GABRB1: variants seen among roughly 807,000 people sequenced by gnomAD.
The protein encoded by GABRB1 is gamma-aminobutyric acid type A receptor subunit beta1.
GABRB1 carries 17 observed loss-of-function variants against 51.6 expected under a neutral mutation model. That is an observed-to-expected ratio of 0.33 (90% confidence interval 0.23 to 0.49). GABRB1 has a LOEUF of 0.49. GABRB1 is among the 20% of genes least tolerant of loss of function. The pLI is 0.99. For missense variants in GABRB1, 410 were observed against 600.6 expected (o/e 0.68, Z 3.32); for synonymous variants, 247 against 218.9 (o/e 1.13, Z -1.14).
chr4:47,250,552 A>G (rs536058101), intron 4 of GABRB1, among the ~76,000 whole-genome samples: 30 of 152,250 alleles, frequency 2.0e-4, no homozygotes, highest in African/African-American at 7.0e-4. Context: ...ATATTTTCCA[A>G]GATTTTAGAA....
Position 47,425,831 on chromosome 4 carries a change from C to A in GABRB1, c.1238C>A (p.Ala413Asp). The change falls in exon 9 of 9, where the codon GCC becomes GAC. Residue 413 changes from alanine to aspartate, a missense_variant. By Grantham distance (126) the Ala-to-Asp change is moderately radical (BLOSUM62 -2). This residue lies in a region of GABRB1 where 181 missense variants were observed against 195.6 expected (regional missense o/e 0.93). Coordinates refer to ENST00000295454, the MANE Select transcript of GABRB1 (RefSeq NM_000812.4). ...CGCAAGCCCCTGAGCAGCCGCGAGGCCTACGGGCGCGCCCTGGACCGGCAC... is the reference window on the plus strand; with the variant it reads ...CGCAAGCCCCTGAGCAGCCGCGAGGACTACGGGCGCGCCCTGGACCGGCAC... ...QYRKPLSSREAYGRALDRHGV... is the reference protein window; with the variant it reads ...QYRKPLSSREDYGRALDRHGV... The A allele has an allele frequency of 6.2e-7, 1 of 1,614,054 alleles. No individual in the cohort carries two copies.
chr4:47,170,633 G>A (rs934012011), intron 4 of GABRB1, among the ~76,000 whole-genome samples: 4 of 152,096 alleles, frequency 2.6e-5, no homozygotes, highest in South Asian at 2.1e-4. Flanking sequence ...AATACTGTGC[G>A]GTTGATTGCA....
At chr4:47,242,409 G>T (rs1023376923) in intron 4 of GABRB1, among the ~76,000 whole-genome samples, 1 of 152,186 alleles carries the variant, frequency 6.6e-6, no homozygotes, top group African/African-American at 2.4e-5. Context: ...CCCAGTAATG[G>T]GATGGCTGGG....
chr4:47,210,983 C>T (rs548534938), intron 4 of GABRB1, among the ~76,000 whole-genome samples: 20 of 152,270 alleles, frequency 1.3e-4, no homozygotes, highest in African/African-American at 4.6e-4. Context: ...CAGAGACATG[C>T]AGCAAAGAGC....
At chr4:47,078,480 T>C (rs1368344514) in intron 3 of GABRB1, among the ~76,000 whole-genome samples, 2 of 152,170 alleles carry the variant, frequency 1.3e-5, no homozygotes, top group African/African-American at 4.8e-5. Flanking sequence ...TTAATTTAAA[T>C]TATTTCTAAA....
rs1342613596 is a variant in GABRB1 at position 47,158,628 on chromosome 4, T to C, written c.241-2621T>C. ...CCATTGTTGACAATGCTGACTGCCA[T>C]AGCAAAATTTACACTATGACTGTGG... is the stretch of plus-strand genomic sequence containing the variant. On this transcript the variant is annotated intron_variant, in intron 3 of 8. Coordinates refer to ENST00000295454, the MANE Select transcript of GABRB1 (RefSeq NM_000812.4). 1.3e-5 allele frequency among the ~76,000 whole-genome samples: 2 copies of C among 152,100 alleles called. 1 individual carries two copies. Among genetic ancestry groups the C allele is most frequent in the Admixed American group, 1.3e-4 (2 of 15,254 alleles).
At chr4:47,263,249 A>C (rs1456666608) in intron 4 of GABRB1, among the ~76,000 whole-genome samples, 1 of 152,026 alleles carries the variant, frequency 6.6e-6, no homozygotes, top group Non-Finnish European at 1.5e-5. Flanking sequence ...AACATTAACA[A>C]GAATTAAAAT....
At chr4:47,224,761 A>G (rs1720891110) in intron 4 of GABRB1, among the ~76,000 whole-genome samples, 1 of 152,144 alleles carries the variant, frequency 6.6e-6, no homozygotes, top group South Asian at 2.1e-4. Context: ...TTGCCAATAT[A>G]TAAGCCCCCA....
At chr4:47,216,361 T>C (rs150421920) in intron 4 of GABRB1, among the ~76,000 whole-genome samples, 1 of 151,912 alleles carries the variant, frequency 6.6e-6, no homozygotes, top group East Asian at 1.9e-4. Flanking sequence ...ATTAGGAAAA[T>C]AGTCATGGTG....
chr4:47,289,973 A>G (rs1428217481), intron 4 of GABRB1, among the ~76,000 whole-genome samples: 1 of 152,242 alleles, frequency 6.6e-6, no homozygotes, highest in East Asian at 1.9e-4. Flanking sequence ...GAGGTACAGG[A>G]TCTGCAAAAG....
At chr4:47,328,115 C>T (rs963044783) in intron 5 of GABRB1, among the ~76,000 whole-genome samples, 20 of 152,130 alleles carry the variant, frequency 1.3e-4, no homozygotes, top group East Asian at 1.9e-4. Flanking sequence ...TCTTCTTTTG[C>T]GAAGTGTCTG....
intron 1 of GABRB1, among the ~76,000 whole-genome samples, chr4:47,009,790 C>A (rs1322242044): frequency 6.6e-6 from 1 of 152,164 alleles, no homozygotes; most frequent in African/African-American, 2.4e-5. Flanking sequence ...ATGTATTGAC[C>A]ACTGAGTGAT....
chr4:47,147,192 T>C (rs1408539414), intron 3 of GABRB1, among the ~76,000 whole-genome samples: 3 of 152,102 alleles, frequency 2.0e-5, no homozygotes, highest in Non-Finnish European at 4.4e-5. Flanking sequence ...ACATCCAATA[T>C]TTCATTCCTT....
At chr4:47,281,260 A>G (rs1723285136) in intron 4 of GABRB1, among the ~76,000 whole-genome samples, 1 of 152,232 alleles carries the variant, frequency 6.6e-6, no homozygotes. Flanking sequence ...TTCTCAAAAG[A>G]AGAGATTCAA....
At chr4:47,241,171 G>A (rs1460239124) in intron 4 of GABRB1, among the ~76,000 whole-genome samples, 1 of 152,100 alleles carries the variant, frequency 6.6e-6, no homozygotes, top group Non-Finnish European at 1.5e-5. Context: ...AATAAAACCT[G>A]AAAATCTGTC....
intron 4 of GABRB1, among the ~76,000 whole-genome samples, chr4:47,230,271 A>G (rs4695203): frequency 0.36 from 53,922 of 151,652 alleles, 9,932 homozygotes; most frequent in African/African-American, 0.42. Context: ...GTCTTGACAT[A>G]AGAAGCACTC....
At chr4:47,379,097 C>G (rs960960112) in intron 5 of GABRB1, among the ~76,000 whole-genome samples, 2 of 152,080 alleles carry the variant, frequency 1.3e-5, no homozygotes, top group Non-Finnish European at 2.9e-5. Context: ...CTGCCAATTC[C>G]CATAGTGCCT....
intron 1 of GABRB1, among the ~76,000 whole-genome samples, chr4:47,016,585 T>TTATCTATC (rs751237431): frequency 2.0e-5 from 3 of 151,796 alleles, no homozygotes; most frequent in Admixed American, 1.3e-4. Flanking sequence ...ATTTATTTAT[T>TTATCTATC]TATCTATCTA....
chr4:47,393,519 C>T (rs1202887101), intron 5 of GABRB1, among the ~76,000 whole-genome samples: 1 of 152,134 alleles, frequency 6.6e-6, no homozygotes. Flanking sequence ...CTTCTTGGCC[C>T]AGTTTTTTCT....
Sources: gnomAD v4.1 joint callset for allele counts (sites outside exome capture counted in the v4.1 genomes callset) on GRCh38, gnomAD v4.1.1 for gene constraint, gnomAD v4.1.1 regional missense constraint, MANE v1.5 for transcripts, NCBI Gene and HGNC (gene_info 2026-07-23, HGNC 2026-07-21) for gene names.